Variants in NAPSA observed in about 807,000 individuals in gnomAD.
NAPSA encodes napsin A aspartic peptidase.
NAPSA carries 37 observed loss-of-function variants against 36.7 expected under a neutral mutation model. The ratio of observed to expected loss-of-function variants is 1.01; its 90% CI spans 0.78 to 1.33. The LOEUF (loss-of-function observed/expected upper bound fraction) is 1.33, where lower values mean the gene tolerates loss of function less well. Ranked by LOEUF, NAPSA falls within the 40% of genes most tolerant of loss-of-function variation. The pLI is 0.00. For missense variants in NAPSA, 532 were observed against 543.8 expected (o/e 0.98, Z 0.21); for synonymous variants, 222 against 234.5 (o/e 0.95, Z 0.49).
Position 50,361,700 on chromosome 19 carries a change from C to G in NAPSA, c.431G>C (p.Gly144Ala). The change falls in exon 4 of 9, where the codon GGG becomes GCG. Residue 144 changes from glycine to alanine, a missense_variant. Around this residue, in one of 3 missense-constraint regions of NAPSA, gnomAD observed 385 missense variants for 371.5 expected, o/e 1.04. Coordinates refer to ENST00000253719, the MANE Select transcript of NAPSA (RefSeq NM_004851.3). ...GTKFAIQYGT[G>A]RVDGILSEDK... ...CTCGCTCAGGATTCCATCTACCCGC[C>G]CAGTTCCATATTGAATGGCAAACTT... 6.2e-7 allele frequency: 1 copy of G among 1,614,066 alleles called. No homozygotes were observed. Among genetic ancestry groups the G allele is most frequent in the South Asian group, 1.1e-5 (1 of 91,068 alleles).
At chr19:50,367,228 C>T (rs898268508), upstream of NAPSA, among the ~76,000 whole-genome samples, 2 of 152,216 alleles carry the variant, frequency 1.3e-5, no homozygotes, top group African/African-American at 4.8e-5. Flanking sequence ...GCTTCAGCCT[C>T]CCAAAATGCT....
upstream of NAPSA, among the ~76,000 whole-genome samples, chr19:50,367,806 C>T (rs1356178950): frequency 6.6e-6 from 1 of 152,162 alleles, no homozygotes; most frequent in East Asian, 1.9e-4. Context: ...CATCAAGTTA[C>T]CTCAGGTCCC....
Position 50,362,154 on chromosome 19 carries a change from T to C in NAPSA, c.225+18A>G, listed in dbSNP as rs767111294. The C allele has an allele frequency of 1.9e-6, 3 of 1,612,556 alleles. No homozygotes were observed. In the South Asian group the frequency reaches 3.3e-5, roughly 18 times the overall value. On this transcript the variant is annotated intron_variant, in intron 2 of 8. Transcript: ENST00000253719. ...CTCAAGGGCGCAGGGGTGAGGGCTG[T>C]GTGGGGCTGTGACTCACATCCCTGT...
chr19:50,366,587 C>G (rs1286186732), upstream of NAPSA, among the ~76,000 whole-genome samples: 2 of 152,032 alleles, frequency 1.3e-5, no homozygotes, highest in Admixed American at 6.6e-5. Context: ...TTGGTAAGGT[C>G]ATTTATTCTG....
At position 50,362,214 on chromosome 19, in the gene NAPSA, A is replaced by T. The variant is rs376756060; in HGVS notation, c.183T>A (p.Pro61=). 3 of 1,614,034 alleles carry T rather than the reference A, an allele frequency of 1.9e-6. No homozygotes were observed. Among genetic ancestry groups the T allele is most frequent in the Non-Finnish European group, 2.5e-6 (3 of 1,179,960 alleles). ...GAGGTACGAAGATGGGCTTGTCCCC[A>T]GGGGATGGGGCCCCCAACTTGGGGA... The part of the protein sequence containing the change: ...AELPKLGAPS[P]GDKPIFVPLS... The change falls in exon 2 of 9, where the codon CCT becomes CCA. Residue 61 remains proline (P), a synonymous_variant. Coordinates refer to ENST00000253719, the MANE Select transcript of NAPSA (RefSeq NM_004851.3).
At position 50,362,093 on chromosome 19, in the gene NAPSA, C is replaced by G. The variant is rs781251235; in HGVS notation, c.226-1G>C. 1.2e-6 allele frequency: 2 copies of G among 1,613,946 alleles called. No homozygotes were observed. The highest frequency in any genetic ancestry group is 8.5e-7 in the Non-Finnish European group (1 of 1,179,972). ...GCCCAATTTCCCCAAAATACTGCAC[C>G]TGATAGCAAAAGAGGAGAGTAAACG... On this transcript the variant is annotated splice_acceptor_variant, in intron 2 of 8. Transcript: ENST00000253719. LOFTEE classifies it high-confidence loss of function.
chr19:50,361,095 A>G lies in NAPSA; in HGVS notation c.514T>C (p.Trp172Arg). 5.0e-6 allele frequency: 8 copies of G among 1,614,140 alleles called. No homozygotes were observed. Among genetic ancestry groups the G allele is most frequent in the Non-Finnish European group, 6.8e-6 (8 of 1,180,006 alleles). Residue 172 changes from tryptophan to arginine, a missense_variant, in exon 5 of 9, where the codon TGG (tryptophan) becomes CGG (arginine). Trp to Arg is a moderately radical substitution (Grantham distance 101). Coordinates refer to ENST00000253719, the MANE Select transcript of NAPSA (RefSeq NM_004851.3). ...AAAGCGAAGACCAGGCTGGGCTCCC[A>G]GAGAGCCTCCCCGAAAATCACTGAT... ...GASVIFGEALWEPSLVFAFAH... is the reference protein window; with the variant it reads ...GASVIFGEALREPSLVFAFAH...
In NAPSA at chr19:50,359,115, G is replaced by A; in HGVS notation, c.937-6C>T. On this transcript the variant is annotated splice_polypyrimidine_tract_variant and splice_region_variant and intron_variant, in intron 7 of 8. Coordinates refer to ENST00000253719, the MANE Select transcript of NAPSA (RefSeq NM_004851.3). ...TCCGAGCACAGGATGATGTACTGGG[G>A]GAGAAGAGGAACTAGTGAAGATGAG... 1.9e-6 allele frequency: 3 copies of A among 1,607,284 alleles called. No individual in the cohort carries two copies. Among genetic ancestry groups the A allele is most frequent in the Non-Finnish European group, 2.6e-6 (3 of 1,174,048 alleles).
chr19:50,366,553 T>TC (rs571095967), upstream of NAPSA, among the ~76,000 whole-genome samples: 87 of 152,336 alleles, frequency 5.7e-4, no homozygotes, highest in Non-Finnish European at 1.2e-3. Context: ...CAAGGATTGG[T>TC]CCTTGGTGGC....
upstream of NAPSA, among the ~76,000 whole-genome samples, chr19:50,366,747 T>G (rs1475001839): frequency 1.3e-5 from 2 of 151,950 alleles, no homozygotes; most frequent in Admixed American, 1.3e-4. Flanking sequence ...CTCAGCTCAC[T>G]GCAACCTCTG....
intron 1 of NAPSA, among the ~76,000 whole-genome samples, chr19:50,363,335 G>A (rs2037501715): frequency 6.6e-6 from 1 of 151,998 alleles, no homozygotes; most frequent in Non-Finnish European, 1.5e-5. Context: ...TAAGGTAGTG[G>A]GAAGACTTCT....
In NAPSA at chr19:50,362,047, A is replaced by G. The variant is rs767044166; in HGVS notation, c.271T>C (p.Phe91Leu). 5.6e-6 allele frequency: 9 copies of G among 1,613,592 alleles called. No homozygotes were observed. In the South Asian group the frequency reaches 8.8e-5, roughly 16 times the overall value. Residue 91 changes from phenylalanine (F) to leucine (L), a missense_variant, in exon 3 of 9, where the codon TTC (phenylalanine) becomes CTC (leucine). By Grantham distance (22) the Phe-to-Leu change is conservative (BLOSUM62 0). Around this residue, in one of 3 missense-constraint regions of NAPSA, gnomAD observed 45 missense variants for 78.7 expected, o/e 0.57. Coordinates refer to ENST00000253719, the MANE Select transcript of NAPSA (RefSeq NM_004851.3). ...EIGLGTPPQN[F>L]TVAFDTGSSN... Reference sequence around the variant, plus strand: ...GAGCCAGTGTCAAAGGCAACAGTGAAGTTTTGTGGAGGCGTTCCCAGCCCA... The same window carrying G: ...GAGCCAGTGTCAAAGGCAACAGTGAGGTTTTGTGGAGGCGTTCCCAGCCCA...
At chr19:50,359,319 G>T in intron 7 of NAPSA, 184 bp downstream of exon 7, 1 of 891,212 alleles carries the variant, frequency 1.1e-6, no homozygotes, top group Non-Finnish European at 1.7e-6. Flanking sequence ...CAGAGTCGCA[G>T]TGTAGACACG....
chr19:50,362,449 A>G (rs965463729), intron 1 of NAPSA, 136 bp from the exon 2 acceptor site: 2 of 701,024 alleles, frequency 2.9e-6, no homozygotes, highest in Non-Finnish European at 4.4e-6. Flanking sequence ...AAACCCTGCA[A>G]TAACAACCTC....
intron 1 of NAPSA, among the ~76,000 whole-genome samples, chr19:50,363,908 G>T (rs1372234301): frequency 6.6e-6 from 1 of 152,158 alleles, no homozygotes; most frequent in Non-Finnish European, 1.5e-5. Flanking sequence ...TGATGTGGGG[G>T]AGTCTCAGTT....
intron 1 of NAPSA, 62 bp downstream of exon 1, chr19:50,365,477 C>A: frequency 6.5e-7 from 1 of 1,535,662 alleles, no homozygotes; most frequent in East Asian, 2.3e-5. Context: ...GAGTCCTAGA[C>A]TTAAAGGGCA....
At chr19:50,363,872 A>G (rs1014514216) in intron 1 of NAPSA, among the ~76,000 whole-genome samples, 1 of 152,052 alleles carries the variant, frequency 6.6e-6, no homozygotes, top group African/African-American at 2.4e-5. Flanking sequence ...CAAAAACATG[A>G]CTTCTTCAGG....
chr19:50,365,681 C>G (rs1436475339), upstream of NAPSA: 1 of 1,449,882 alleles, frequency 6.9e-7, no homozygotes, highest in African/African-American at 1.4e-5. Context: ...TCCCCTGTGA[C>G]TCCACCCTGT....
rs1410357487 is a variant in NAPSA, at chr19:50,358,651, C to A, written c.1165G>T (p.Asp389Tyr). The stretch of plus-strand genomic sequence containing the variant: ...CCCACCCGGGCGCTGCTCTTCATGT[C>A]CCCGCGGTCGAAGACGGCCACATAC... Reference protein sequence around the residue: ...GTYVAVFDRGDMKSSARVGLA... With the variant: ...GTYVAVFDRGYMKSSARVGLA... The change falls in exon 9 of 9, where the codon GAC becomes TAC. Residue 389 changes from aspartate (D) to tyrosine (Y), a missense_variant. Asp to Tyr is a radical substitution (Grantham distance 160). Around this residue, in one of 3 missense-constraint regions of NAPSA, gnomAD observed 385 missense variants for 371.5 expected, o/e 1.04. Coordinates refer to ENST00000253719, the MANE Select transcript of NAPSA (RefSeq NM_004851.3). 10 of 1,613,100 alleles carry A rather than the reference C, an allele frequency of 6.2e-6. 1 individual carries two copies. The South Asian group carries it at 8.8e-5, about 14-fold the overall frequency.
Sources: gnomAD v4.1 joint callset for allele counts (sites outside exome capture counted in the v4.1 genomes callset) on GRCh38, gnomAD v4.1.1 for gene constraint, gnomAD v4.1.1 regional missense constraint, MANE v1.5 for transcripts, NCBI Gene and HGNC (gene_info 2026-07-23, HGNC 2026-07-21) for gene names.